Variants in S100Z observed in about 807,000 individuals in gnomAD.
S100Z encodes S100 calcium binding protein Z.
A neutral mutation model predicts 8.5 loss-of-function variants in S100Z; 11 were observed. That is an observed-to-expected ratio of 1.30 (90% CI 0.82 to 2.15). S100Z has a LOEUF of 2.15. Ranked by LOEUF, S100Z falls within the 30% of genes most tolerant of loss-of-function variation. The pLI is 0.00. For missense variants in S100Z, 126 were observed against 117.9 expected (o/e 1.07, Z -0.32); for synonymous variants, 34 against 43.8 (o/e 0.78, Z 0.89).
At chr5:76,928,965 C>T in the S100Z span, among the ~76,000 whole-genome samples, 1 of 152,346 alleles carries the variant, frequency 6.6e-6, no homozygotes, top group South Asian at 2.1e-4. Flanking sequence ...TGGTCTCGAA[C>T]TCCGGGGCTC....
chr5:76,898,170 G>T (rs1405625142), intron 4 of S100Z, among the ~76,000 whole-genome samples: 2 of 142,546 alleles, frequency 1.4e-5, no homozygotes, highest in African/African-American at 5.2e-5. Context: ...TTTTTTTTGA[G>T]ATGGAGTTTA....
chr5:76,858,528 A>G (rs1750951486), intron 1 of S100Z, among the ~76,000 whole-genome samples: 1 of 152,088 alleles, frequency 6.6e-6, no homozygotes, highest in South Asian at 2.1e-4. Flanking sequence ...GTCTCAAAAA[A>G]AAAAAAAGGG....
chr5:76,928,694 A>G, the S100Z span, among the ~76,000 whole-genome samples: 1 of 152,232 alleles, frequency 6.6e-6, no homozygotes, highest in Non-Finnish European at 1.5e-5. Flanking sequence ...GAAAATTCCC[A>G]GTGTCACTTA....
chr5:76,904,794 C>T (rs1043943661), intron 4 of S100Z, among the ~76,000 whole-genome samples: 3 of 152,180 alleles, frequency 2.0e-5, no homozygotes, highest in Non-Finnish European at 4.4e-5. Flanking sequence ...ATCCTCCTGC[C>T]TCAGCCTCCC....
chr5:76,938,064 A>T, the S100Z span, among the ~76,000 whole-genome samples: 1 of 152,072 alleles, frequency 6.6e-6, no homozygotes, highest in Non-Finnish European at 1.5e-5. Context: ...ACTGCACTCC[A>T]ACCTGGGCAA....
chr5:76,933,675 A>G, the S100Z span, among the ~76,000 whole-genome samples: 1 of 152,206 alleles, frequency 6.6e-6, no homozygotes, highest in African/African-American at 2.4e-5. Context: ...ATTTTTTAAG[A>G]ATACAACTTG....
chr5:76,918,057 T>C (rs988390004), intron 4 of S100Z, among the ~76,000 whole-genome samples: 11 of 152,234 alleles, frequency 7.2e-5, no homozygotes, highest in African/African-American at 2.4e-4. Context: ...GTCAAAGGTA[T>C]ACGTATTTAA....
chr5:76,912,083 C>T lies in S100Z; in HGVS notation c.*3-8634C>T, dbSNP rs199975303. On this transcript the variant is annotated intron_variant, in intron 4 of 4. Coordinates refer to ENST00000317593, the MANE Select transcript of S100Z (RefSeq NM_130772.4). Reference sequence around the variant, plus strand: ...TGGCCTCACTGTTTAAGGGTAGTTGCGGCGTTGGCTTAGTGTCAGAGGCTA... The same window carrying T: ...TGGCCTCACTGTTTAAGGGTAGTTGTGGCGTTGGCTTAGTGTCAGAGGCTA... Among the ~76,000 whole-genome samples, 219 of 75,480 alleles carry T rather than the reference C, an allele frequency of 2.9e-3. 2 individuals carry two copies. The East Asian group carries it at 0.045, about 15-fold the overall frequency. 49.5% of individuals were successfully genotyped at this position (75,480 alleles called of 152,430 possible).
intron 4 of S100Z, among the ~76,000 whole-genome samples, chr5:76,881,547 A>G (rs919801739): frequency 2.6e-5 from 4 of 152,188 alleles, no homozygotes; most frequent in African/African-American, 9.7e-5. Context: ...TTCCTTAAGG[A>G]CAGATTTCCA....
At chr5:76,942,251 A>G in the S100Z span, among the ~76,000 whole-genome samples, 2 of 152,014 alleles carry the variant, frequency 1.3e-5, no homozygotes, top group African/African-American at 4.8e-5. Flanking sequence ...TGCTGGAACT[A>G]TAGGCGCCCG....
downstream of S100Z, among the ~76,000 whole-genome samples, chr5:76,924,236 C>T (rs1022130307): frequency 6.6e-6 from 1 of 152,216 alleles, no homozygotes; most frequent in Non-Finnish European, 1.5e-5. Flanking sequence ...TAAATTGCCA[C>T]ATTTCCCTGC....
At chr5:76,863,946 C>A (rs1197344292) in intron 1 of S100Z, among the ~76,000 whole-genome samples, 4 of 152,168 alleles carry the variant, frequency 2.6e-5, no homozygotes, top group Admixed American at 2.6e-4. Flanking sequence ...TATGCTAAAT[C>A]TTTATTCAAC....
intron 1 of S100Z, among the ~76,000 whole-genome samples, chr5:76,851,928 A>G (rs1159489660): frequency 6.6e-6 from 1 of 152,144 alleles, no homozygotes; most frequent in Non-Finnish European, 1.5e-5. Flanking sequence ...GCATTCGCTG[A>G]ATTTCCTGTT....
chr5:76,882,170 G>T (rs189586650), intron 4 of S100Z, among the ~76,000 whole-genome samples: 3,014 of 152,240 alleles, frequency 0.02, 88 homozygotes, highest in African/African-American at 0.068. Flanking sequence ...AATAGATTTT[G>T]GAAGTTATGA....
the S100Z span, among the ~76,000 whole-genome samples, chr5:76,946,758 A>C: frequency 1.3e-5 from 2 of 152,152 alleles, no homozygotes; most frequent in Non-Finnish European, 2.9e-5. Flanking sequence ...TCTATGTATT[A>C]TATATATTAT....
At chr5:76,874,915 C>T (rs949396451) in intron 2 of S100Z, among the ~76,000 whole-genome samples, 5 of 151,784 alleles carry the variant, frequency 3.3e-5, no homozygotes, top group Admixed American at 1.3e-4. Flanking sequence ...GACGGCGTCT[C>T]GCTCTGTCGC....
At chr5:76,851,085 G>A (rs1168258465) in intron 1 of S100Z, among the ~76,000 whole-genome samples, 2 of 152,198 alleles carry the variant, frequency 1.3e-5, no homozygotes, top group Admixed American at 6.5e-5. Flanking sequence ...ACCCAGTGCC[G>A]GTGCAGGTCT....
chr5:76,886,327 G>A (rs773851675), intron 4 of S100Z, among the ~76,000 whole-genome samples: 9 of 152,188 alleles, frequency 5.9e-5, no homozygotes, highest in Non-Finnish European at 1.3e-4. Flanking sequence ...ACCAGAAAAT[G>A]AAAGGAATTG....
chr5:76,908,059 G>T (rs2150677178), intron 4 of S100Z, among the ~76,000 whole-genome samples: 1 of 152,208 alleles, frequency 6.6e-6, no homozygotes, highest in East Asian at 1.9e-4. Context: ...TGACCCTGGG[G>T]AAGTTGAGGA....
Sources: gnomAD v4.1 joint callset for allele counts (sites outside exome capture counted in the v4.1 genomes callset) on GRCh38, gnomAD v4.1.1 for gene constraint, MANE v1.5 for transcripts, NCBI Gene and HGNC (gene_info 2026-07-23, HGNC 2026-07-21) for gene names.